Variants in PPP2R2C observed in about 807,000 individuals in gnomAD.
PPP2R2C encodes protein phosphatase 2 regulatory subunit Bgamma.
PPP2R2C carries 10 observed loss-of-function variants against 45.3 expected under a neutral mutation model. The ratio of observed to expected loss-of-function variants is 0.22; its 90% CI spans 0.14 to 0.37. The LOEUF is 0.37. Ranked by LOEUF, PPP2R2C falls within the 10% of genes least tolerant of loss-of-function variation. The pLI is 1.00. For missense variants in PPP2R2C, 308 were observed against 619.7 expected, an observed-to-expected ratio of 0.50 and a Z score of 5.34; for synonymous variants, 257 against 245.4, an observed-to-expected ratio of 1.05 and a Z score of -0.44.
rs373973110 is a variant in PPP2R2C, at chr4:6,378,587, G to A, written c.169-15C>T. The stretch of plus-strand genomic sequence containing the variant: ...GCATTTTTACTCTGCAGGGAAACCC[G>A]GAGAAGGGGCCTGAGCACCGTGACC... On this transcript the variant is annotated splice_polypyrimidine_tract_variant and intron_variant, in intron 2 of 8. Transcript: ENST00000382599. This position sits in a 1 kb window ranked among gnomAD's most constrained non-coding sequence, Gnocchi z 5.2. The A allele has an allele frequency of 2.5e-5, 41 of 1,608,538 alleles. No homozygotes were observed. The highest frequency in any genetic ancestry group is 2.1e-4 in the African/African-American group (16 of 74,788).
intron 1 of PPP2R2C, among the ~76,000 whole-genome samples, chr4:6,446,012 A>G (rs1720397382): frequency 6.6e-6 from 1 of 152,218 alleles, no homozygotes; most frequent in South Asian, 2.1e-4. Context: ...CCTGGTGCAC[A>G]TGGGTGTGGG....
At chr4:6,422,075 G>C (rs1039662243) in intron 1 of PPP2R2C, among the ~76,000 whole-genome samples, 2 of 150,498 alleles carry the variant, frequency 1.3e-5, no homozygotes, top group Admixed American at 6.6e-5. Context: ...TTTAACTAGA[G>C]TCTTGAGTAG....
intron 1 of PPP2R2C, chr4:6,384,836 C>A: frequency 1.0e-6 from 1 of 985,462 alleles, no homozygotes. Flanking sequence ...CCATGAGAGA[C>A]TACGCCATGA....
At chr4:6,552,199 T>C (rs1306487893) in intron 1 of PPP2R2C, among the ~76,000 whole-genome samples, 1 of 152,232 alleles carries the variant, frequency 6.6e-6, no homozygotes, top group East Asian at 1.9e-4. Flanking sequence ...ATTTTTTCAT[T>C]TGTTCTCATT....
chr4:6,449,269 A>G (rs1270771470), intron 1 of PPP2R2C, among the ~76,000 whole-genome samples: 2 of 152,234 alleles, frequency 1.3e-5, no homozygotes, highest in Non-Finnish European at 2.9e-5. Flanking sequence ...GTTGATCAAC[A>G]GCCAATTGCA....
intron 1 of PPP2R2C, among the ~76,000 whole-genome samples, chr4:6,420,335 T>C (rs1230294023): frequency 6.7e-6 from 1 of 150,202 alleles, no homozygotes; most frequent in Non-Finnish European, 1.5e-5. Context: ...AATAAGATCA[T>C]TCACCGTACA....
At chr4:6,372,084 C>A (rs1714874985) in intron 5 of PPP2R2C, among the ~76,000 whole-genome samples, 2 of 152,240 alleles carry the variant, frequency 1.3e-5, no homozygotes, top group African/African-American at 4.8e-5. Context: ...TGGTTGTCAC[C>A]CGAAGCCCTG....
At chr4:6,356,949 C>A (rs574745269) in intron 5 of PPP2R2C, among the ~76,000 whole-genome samples, 1 of 149,658 alleles carries the variant, frequency 6.7e-6, no homozygotes, top group Non-Finnish European at 1.5e-5. Flanking sequence ...CCCCTTTCAT[C>A]TGCTGTGGCA....
At chr4:6,367,481 C>T (rs564115575) in intron 5 of PPP2R2C, among the ~76,000 whole-genome samples, 27 of 152,264 alleles carry the variant, frequency 1.8e-4, no homozygotes, top group African/African-American at 6.5e-4. Flanking sequence ...CTTGTCAGGA[C>T]TCATCAGAAC....
Position 6,329,032 on chromosome 4 carries a change from C to A in PPP2R2C, c.1052+230G>T, listed in dbSNP as rs375052012. Among the ~76,000 whole-genome samples the A allele has an allele frequency of 6.6e-6, 1 of 152,214 alleles. No homozygotes were observed. Among genetic ancestry groups the A allele is most frequent in the African/African-American group, 2.4e-5 (1 of 41,468 alleles). Reference sequence around the variant, plus strand: ...CTACTGCCCATAGGGCAGGCGCCAACGTGGCTGTGAGGTTCAGTGACAGAA... The same window carrying A: ...CTACTGCCCATAGGGCAGGCGCCAAAGTGGCTGTGAGGTTCAGTGACAGAA... On this transcript the variant is annotated intron_variant, in intron 8 of 8. Transcript: ENST00000382599. This position sits in a 1 kb window ranked among gnomAD's most constrained non-coding sequence, Gnocchi z 5.8.
chr4:6,330,355 T>C lies in PPP2R2C; in HGVS notation c.961-1002A>G, dbSNP rs1415564132. On this transcript the variant is annotated intron_variant, in intron 7 of 8. Coordinates refer to ENST00000382599, the MANE Select transcript of PPP2R2C (RefSeq NM_020416.4). The surrounding 1 kb of genome is among the most constrained non-coding windows in gnomAD (Gnocchi z 7.0). ...CGAACACAGAAAATGTGAAGGGTGGTGTGAACGTCAATTTCGTGTGTCAGC... is the reference window on the plus strand; with the variant it reads ...CGAACACAGAAAATGTGAAGGGTGGCGTGAACGTCAATTTCGTGTGTCAGC... Among the ~76,000 whole-genome samples, 3 of 152,184 alleles carry C rather than the reference T, an allele frequency of 2.0e-5. No individual in the cohort carries two copies. The East Asian group carries it at 5.8e-4, about 29-fold the overall frequency.
chr4:6,456,909 C>A (rs1721071769), intron 1 of PPP2R2C, among the ~76,000 whole-genome samples: 1 of 152,116 alleles, frequency 6.6e-6, no homozygotes, highest in South Asian at 2.1e-4. Flanking sequence ...TGGTGTGGAT[C>A]CATAAAAATG....
At chr4:6,404,348 G>A (rs1033017466) in intron 1 of PPP2R2C, among the ~76,000 whole-genome samples, 1 of 152,156 alleles carries the variant, frequency 6.6e-6, no homozygotes, top group South Asian at 2.1e-4. Context: ...GTTCTTCCAT[G>A]GCCAAGAAGG....
chr4:6,349,066 G>T (rs1036625646), intron 5 of PPP2R2C: 5 of 985,360 alleles, frequency 5.1e-6, no homozygotes, highest in Non-Finnish European at 4.8e-6. Flanking sequence ...CCCAGCAGCA[G>T]ATCAGAATCT....
chr4:6,348,995 G>C (rs1712275925), intron 5 of PPP2R2C: 1 of 982,882 alleles, frequency 1.0e-6, no homozygotes, highest in South Asian at 4.7e-5. Context: ...GGTAAGGCTG[G>C]ATTCAGCCTC....
chr4:6,456,989 C>T (rs891023431), intron 1 of PPP2R2C, among the ~76,000 whole-genome samples: 4 of 152,086 alleles, frequency 2.6e-5, no homozygotes, highest in Non-Finnish European at 4.4e-5. Flanking sequence ...GGGCAGATCA[C>T]CTGAGGTCAG....
chr4:6,396,747 C>G (rs1217788646), intron 1 of PPP2R2C, among the ~76,000 whole-genome samples: 1 of 152,222 alleles, frequency 6.6e-6, no homozygotes, highest in African/African-American at 2.4e-5. Flanking sequence ...TTTGCCAGTG[C>G]AGTTAACAAT....
intron 2 of PPP2R2C, among the ~76,000 whole-genome samples, chr4:6,528,915 G>A (rs1403231211): frequency 6.6e-6 from 1 of 152,104 alleles, no homozygotes; most frequent in African/African-American, 2.4e-5. Context: ...TCCCTTTGCT[G>A]ACTGTCTTTT....
intron 1 of PPP2R2C, among the ~76,000 whole-genome samples, chr4:6,417,129 G>A (rs1450000968): frequency 2.0e-5 from 3 of 152,162 alleles, no homozygotes; most frequent in Admixed American, 6.5e-5. Flanking sequence ...TCTCTTTGCC[G>A]CCCCTTTTGG....
Sources: allele counts gnomAD v4.1 joint callset (sites outside exome capture counted in the v4.1 genomes callset), GRCh38; gene constraint gnomAD v4.1.1; non-coding constraint Gnocchi (gnomAD v3.1); transcripts MANE v1.5; gene names NCBI Gene and HGNC (gene_info 2026-07-23, HGNC 2026-07-21).